Variants in PSG3 observed in about 807,000 individuals in gnomAD.
PSG3 encodes pregnancy specific beta-1-glycoprotein 3.
Under a neutral mutation model 47.5 loss-of-function variants are expected in PSG3, and 61 were observed. The observed-to-expected ratio is 1.28, with a 90% confidence interval of 1.05 to 1.59. The LOEUF (loss-of-function observed/expected upper bound fraction) is 1.59. Among genes scored for constraint, PSG3 ranks in the 40% most tolerant of loss-of-function variants. The pLI is 0.00. For missense variants in PSG3, 756 were observed against 524.0 expected (o/e 1.44, Z -4.32); for synonymous variants, 263 against 198.4 (o/e 1.33, Z -2.74).
rs1969608095 is a variant in PSG3 at position 42,738,707 on chromosome 19, C to T, written c.430+17G>A. ...ACCCCATCCCCCAACACCCAGTGAT[C>T]ACGTGGAGTCACTCACGGTATAAGG... is the stretch of plus-strand genomic sequence containing the variant. On this transcript the variant is annotated intron_variant, in intron 2 of 6. Coordinates refer to ENST00000327495, the MANE Select transcript of PSG3 (RefSeq NM_021016.4). 2.5e-6 allele frequency: 4 copies of T among 1,612,812 alleles called. No homozygotes were observed. The highest frequency in any genetic ancestry group is 2.2e-5 in the South Asian group (2 of 90,860).
intron 4 of PSG3, 96 bp downstream of exon 4, chr19:42,729,682 T>C: frequency 6.4e-7 from 1 of 1,571,264 alleles, no homozygotes; most frequent in Admixed American, 1.8e-5. Flanking sequence ...AGTAATGGTA[T>C]CTATACTTGG....
chr19:42,735,304 G>T (rs1969544948), intron 2 of PSG3, among the ~76,000 whole-genome samples: 1 of 152,076 alleles, frequency 6.6e-6, no homozygotes, highest in Non-Finnish European at 1.5e-5. Context: ...TCAAGCTAGG[G>T]ATTCTTTCCT....
Position 42,738,950 on chromosome 19 carries a change from G to T in PSG3, c.204C>A (p.Tyr68Ter). Residue 68 changes from tyrosine to a stop codon, truncating the protein, a stop_gained, in exon 2 of 7, where the codon TAC becomes TAA. Coordinates refer to ENST00000327495, the MANE Select transcript of PSG3 (RefSeq NM_021016.4). LOFTEE classifies it high-confidence loss of function. ...LPQNLAGYIW[Y>*]KGQMKDLYHY... ...GGTAGAGGTCCTTCATTTGCCCTTT[G>T]TACCAGATGTAGCCAGCAAGATTCT... 1 of 1,613,998 alleles carries T rather than the reference G, an allele frequency of 6.2e-7. No individual in the cohort carries two copies. Among genetic ancestry groups the T allele is most frequent in the South Asian group, 1.1e-5 (1 of 91,076 alleles).
At chr19:42,729,661 G>C (rs147710141) in intron 4 of PSG3, 117 bp downstream of exon 4, 161 of 1,552,196 alleles carry the variant, frequency 1.0e-4, no homozygotes, top group East Asian at 7.0e-4. Flanking sequence ...TGGCCAGCTC[G>C]GATGTCCAGA....
rs377121936 is a variant in PSG3 at position 42,732,946 on chromosome 19, T to C, written c.547A>G (p.Asn183Asp). 1 of 1,614,144 alleles carries C rather than the reference T, an allele frequency of 6.2e-7. No individual in the cohort carries two copies. Among genetic ancestry groups the C allele is most frequent in the African/African-American group, 1.3e-5 (1 of 75,038 alleles). The stretch of plus-strand genomic sequence containing the variant: ...TGAGTCATAGGGAGGCTCTGACCAT[T>C]CATCCACCACAGGTAGCTTGCGTCC... ...TPDASYLWWM[N>D]GQSLPMTHSL... Residue 183 changes from asparagine (N) to aspartate (D), a missense_variant, in exon 3 of 7, where the codon AAT becomes GAT. Transcript: ENST00000327495.
chr19:42,738,548 G>T (rs1371446951), intron 2 of PSG3, among the ~76,000 whole-genome samples, 176 bp downstream of exon 2: 1 of 152,182 alleles, frequency 6.6e-6, no homozygotes, highest in African/African-American at 2.4e-5. Context: ...TGCGGGAAAG[G>T]AATTCTGATC....
intron 5 of PSG3, among the ~76,000 whole-genome samples, chr19:42,726,721 A>G (rs1969383734): frequency 6.6e-6 from 1 of 152,206 alleles, no homozygotes. Context: ...ACCTGACGTG[A>G]GCTGCAGATT....
intron 2 of PSG3, among the ~76,000 whole-genome samples, chr19:42,738,012 G>A (rs1969595000): frequency 6.6e-6 from 1 of 152,172 alleles, no homozygotes; most frequent in Non-Finnish European, 1.5e-5. Context: ...CTGCTACCTG[G>A]TATATCTTCT....
chr19:42,739,057 T>A lies in PSG3; in HGVS notation c.97A>T (p.Thr33Ser), dbSNP rs1969619197. The change falls in exon 2 of 7, where the codon ACT becomes TCT. Residue 33 changes from threonine to serine, a missense_variant. Coordinates refer to ENST00000327495, the MANE Select transcript of PSG3 (RefSeq NM_021016.4). Reference protein sequence around the residue: ...LLLNFWNLPTTAQVTIEAEPT... With the variant: ...LLLNFWNLPTSAQVTIEAEPT... ...TCGGCTTCAATCGTGACTTGGGCAG[T>A]GGTAGGCAAGTTCCAGAAGTTTAAA... is the stretch of plus-strand genomic sequence containing the variant. The A allele has an allele frequency of 6.2e-7, 1 of 1,610,088 alleles. No individual in the cohort carries two copies. The highest frequency in any genetic ancestry group is 1.3e-5 in the African/African-American group (1 of 74,588).
intron 5 of PSG3, among the ~76,000 whole-genome samples, chr19:42,727,334 T>C (rs567650881): frequency 2.0e-4 from 30 of 152,142 alleles, no homozygotes; most frequent in Non-Finnish European, 4.1e-4. Flanking sequence ...ACCCACGAAA[T>C]GATAAAAATA....
rs547444912 is a variant in PSG3, at chr19:42,730,912, G to C, written c.710-856C>G. Among the ~76,000 whole-genome samples, 3 of 152,352 alleles carry C rather than the reference G, an allele frequency of 2.0e-5. No homozygotes were observed. The East Asian group carries it at 5.8e-4, about 29-fold the overall frequency. ...CTGGTGGAAAGGGTGGGAATGAACTGCTGGAAATCTGGTCCTCATGGACCA... is the reference window on the plus strand; with the variant it reads ...CTGGTGGAAAGGGTGGGAATGAACTCCTGGAAATCTGGTCCTCATGGACCA... On this transcript the variant is annotated intron_variant, in intron 3 of 6. Coordinates refer to ENST00000327495, the MANE Select transcript of PSG3 (RefSeq NM_021016.4).
chr19:42,724,928 C>A (rs1416787989), intron 5 of PSG3, among the ~76,000 whole-genome samples: 3 of 151,950 alleles, frequency 2.0e-5, no homozygotes, highest in Admixed American at 2.0e-4. Flanking sequence ...TTCCTATGTG[C>A]CAGGCCCTGT....
rs1305781939 is a variant in PSG3 at position 42,728,985 on chromosome 19, G to T, written c.1243+138C>A. Reference sequence around the variant, plus strand: ...AGAGTCTGTAGAGACAAATTGGGAGGGTTCAGGAGGAGAATTTGGGATTTG... The same window carrying T: ...AGAGTCTGTAGAGACAAATTGGGAGTGTTCAGGAGGAGAATTTGGGATTTG... On this transcript the variant is annotated intron_variant, in intron 5 of 6. Transcript: ENST00000327495. 6.4e-6 allele frequency: 10 copies of T among 1,564,074 alleles called. No individual in the cohort carries two copies. In the African/African-American group the frequency reaches 8.2e-5, roughly 13 times the overall value.
intron 1 of PSG3, 134 bp from the exon 2 acceptor site, chr19:42,739,223 C>A (rs1426330244): frequency 2.0e-5 from 27 of 1,348,072 alleles, no homozygotes; most frequent in Non-Finnish European, 2.6e-5. Context: ...CAAACACACA[C>A]ACACACACAA....
In PSG3 at chr19:42,723,996, G is replaced by A; in HGVS notation, c.1273C>T (p.Leu425Phe). 6.2e-7 allele frequency: 1 copy of A among 1,611,648 alleles called. No homozygotes were observed. Among genetic ancestry groups the A allele is most frequent in the East Asian group, 2.2e-5 (1 of 44,860 alleles). The change falls in exon 6 of 7, where the codon CTT becomes TTT. Residue 425 changes from leucine to phenylalanine, a missense_variant. Coordinates refer to ENST00000327495, the MANE Select transcript of PSG3 (RefSeq NM_021016.4). ...CATCACGGCTGCTATAATGGATTAA[G>A]GCCAGGAAGATGTCCTGTTCCTGAA... ...APSGTGHLPG[L>F]NPL
chr19:42,732,976 T>A lies in PSG3; in HGVS notation c.517A>T (p.Thr173Ser). The A allele has an allele frequency of 2.5e-6, 4 of 1,613,936 alleles. No homozygotes were observed. The highest frequency in any genetic ancestry group is 3.4e-6 in the Non-Finnish European group (4 of 1,179,960). ...EAVSLTCDPE[T>S]PDASYLWWMN... ...CACCACAGGTAGCTTGCGTCCGGAGTCTCAGGATCACAGGTTAAGCTCACA... is the reference window on the plus strand; with the variant it reads ...CACCACAGGTAGCTTGCGTCCGGAGACTCAGGATCACAGGTTAAGCTCACA... The change falls in exon 3 of 7, where the codon ACT becomes TCT. Residue 173 changes from threonine to serine, a missense_variant. By Grantham distance (58) the Thr-to-Ser change is moderately conservative. Transcript: ENST00000327495.
intron 5 of PSG3, among the ~76,000 whole-genome samples, chr19:42,728,363 C>T (rs1329196103): frequency 6.6e-6 from 1 of 152,216 alleles, no homozygotes; most frequent in Non-Finnish European, 1.5e-5. Context: ...CTCCCTATTT[C>T]TCCAGCTCTG....
Position 42,732,701 on chromosome 19 carries a change from C to T in PSG3, c.709+83G>A. The T allele has an allele frequency of 2.5e-6, 4 of 1,613,996 alleles. No homozygotes were observed. The South Asian group carries it at 4.4e-5, about 18-fold the overall frequency. ...GGGGTAAAGGTCTCTGTACTTGGAC[C>T]TGAGAGGGACTGAGAGGCCTGGCCT... On this transcript the variant is annotated intron_variant, in intron 3 of 6. Coordinates refer to ENST00000327495, the MANE Select transcript of PSG3 (RefSeq NM_021016.4).
chr19:42,735,098 C>A (rs374165268), intron 2 of PSG3, among the ~76,000 whole-genome samples: 41 of 152,342 alleles, frequency 2.7e-4, no homozygotes, highest in Middle Eastern at 3.4e-3. Context: ...GCCACCTCCA[C>A]CTGGTCCCCA....
Sources: allele counts gnomAD v4.1 joint callset (sites outside exome capture counted in the v4.1 genomes callset), GRCh38; gene constraint gnomAD v4.1.1; transcripts MANE v1.5; gene names NCBI Gene and HGNC (gene_info 2026-07-23, HGNC 2026-07-21).